SETDB1: variants seen among roughly 807,000 people sequenced by gnomAD.
SETDB1 encodes SET domain bifurcated histone lysine methyltransferase 1, also known as histone-lysine N-methyltransferase SETDB1.
SETDB1 carries 31 observed loss-of-function variants against 137.4 expected under a neutral mutation model. That is an observed-to-expected ratio of 0.23 (90% CI 0.17 to 0.30). The LOEUF is 0.30. SETDB1 is among the 10% of genes least tolerant of loss of function. SETDB1 has a pLI of 1.00. For missense variants in SETDB1, 1,113 were observed against 1,631.5 expected (o/e 0.68, Z 5.47); for synonymous variants, 548 against 579.9 (o/e 0.95, Z 0.79).
chr1:150,943,813 C>CT, intron 7 of SETDB1, 107 bp from the exon 8 acceptor site: 1 of 697,822 alleles, frequency 1.4e-6, no homozygotes, highest in East Asian at 2.6e-5. Context: ...CCCTGGAGTG[C>CT]ATCGTGTTGT....
intron 14 of SETDB1, among the ~76,000 whole-genome samples, chr1:150,953,722 G>C (rs1043284845): frequency 6.6e-6 from 1 of 151,958 alleles, no homozygotes; most frequent in East Asian, 1.9e-4. Flanking sequence ...TCAGCTATTT[G>C]GGAGGCTGAG....
Position 150,964,412 on chromosome 1 carries a change from A to AGACCCAGTTC in SETDB1, c.*48_*49insGACCCAGTTC. The AGACCCAGTTC allele has an allele frequency of 9.4e-6, 13 of 1,384,380 alleles. No individual in the cohort carries two copies. The highest frequency in any genetic ancestry group is 1.1e-5 in the Non-Finnish European group (11 of 978,108). The allele number at this position is 1,384,380 out of a possible 1,614,324, so 85.8% of individuals were successfully genotyped here. On this transcript the variant is annotated 3_prime_UTR_variant, in exon 22 of 22. Transcript: ENST00000692827. ...TTCTTGAACTGTCGTTTCCTCAGGA[A>AGACCCAGTTC]CTGGGTCTTCCTGATTGTTGAACCC... is the stretch of plus-strand genomic sequence containing the variant.
intron 3 of SETDB1, among the ~76,000 whole-genome samples, chr1:150,939,734 T>A (rs1670072096): frequency 6.6e-6 from 1 of 152,126 alleles, no homozygotes; most frequent in Non-Finnish European, 1.5e-5. Flanking sequence ...ATTACAGGTG[T>A]GAGCCACCAC....
At chr1:150,944,671 T>C (rs1185774961) in intron 8 of SETDB1, among the ~76,000 whole-genome samples, 1 of 152,234 alleles carries the variant, frequency 6.6e-6, no homozygotes, top group Non-Finnish European at 1.5e-5. Context: ...AACATCCATT[T>C]GTGTAAAATA....
At chr1:150,935,503 C>A (rs369365983) in intron 3 of SETDB1, among the ~76,000 whole-genome samples, 4 of 151,888 alleles carry the variant, frequency 2.6e-5, no homozygotes, top group East Asian at 3.9e-4. Flanking sequence ...GCTTGACATT[C>A]ATCTTTTCAC....
chr1:150,929,502 C>T (rs1025691560), intron 2 of SETDB1, among the ~76,000 whole-genome samples: 2 of 151,914 alleles, frequency 1.3e-5, no homozygotes, highest in Non-Finnish European at 2.9e-5. Flanking sequence ...TCTCAGCCTC[C>T]GGAGTAGCTG....
In SETDB1 at chr1:150,945,111, A is replaced by G; in HGVS notation, c.1140+3A>G. ...GCCTAGTCAGGATCCTCTTCCTGGT[A>G]CTGTTCTTCTCTACAATTTTGGAGG... is the stretch of plus-strand genomic sequence containing the variant. On this transcript the variant is annotated splice_donor_region_variant and intron_variant, in intron 9 of 21. Coordinates refer to ENST00000692827, the MANE Select transcript of SETDB1 (RefSeq NM_001366418.1). 1 of 1,613,902 alleles carries G rather than the reference A, an allele frequency of 6.2e-7. No homozygotes were observed. Among genetic ancestry groups the G allele is most frequent in the Non-Finnish European group, 8.5e-7 (1 of 1,179,918 alleles).
chr1:150,948,805 C>T (rs1242858340), intron 10 of SETDB1, among the ~76,000 whole-genome samples: 1 of 151,916 alleles, frequency 6.6e-6, no homozygotes, highest in Non-Finnish European at 1.5e-5. Context: ...TCACTGCAAC[C>T]TCCACCTCCT....
At position 150,942,616 on chromosome 1, in the gene SETDB1, A is replaced by T; in HGVS notation, c.601A>T (p.Ser201Cys). The change falls in exon 6 of 22, where the codon AGC becomes TGC. Residue 201 changes from serine to cysteine, a missense_variant. Ser to Cys is a moderately radical substitution (Grantham distance 112, BLOSUM62 -1). Coordinates refer to ENST00000692827, the MANE Select transcript of SETDB1 (RefSeq NM_001366418.1). ...ELSKDGDLIV[S>C]MRILGKKRTK... ...AAGCAAAGATGGTGACCTGATAGTC[A>T]GCATGCGAATTCTGGGCAAGAAGAG... The T allele has an allele frequency of 6.2e-7, 1 of 1,613,940 alleles. No homozygotes were observed. The highest frequency in any genetic ancestry group is 8.5e-7 in the Non-Finnish European group (1 of 1,179,852).
chr1:150,963,296 T>G, intron 19 of SETDB1, 157 bp downstream of exon 19: 1 of 736,064 alleles, frequency 1.4e-6, no homozygotes, highest in South Asian at 1.9e-5. Flanking sequence ...TAAACTATTG[T>G]TTGACACATC....
At chr1:150,929,782 T>G (rs1197428852) in intron 2 of SETDB1, among the ~76,000 whole-genome samples, 185 bp from the exon 3 acceptor site, 1 of 152,164 alleles carries the variant, frequency 6.6e-6, no homozygotes, top group Non-Finnish European at 1.5e-5. Flanking sequence ...GTCTGGAAAC[T>G]AAACCACTAT....
intron 2 of SETDB1, among the ~76,000 whole-genome samples, chr1:150,928,785 C>T (rs1442788956): frequency 3.3e-5 from 5 of 152,056 alleles, no homozygotes; most frequent in African/African-American, 1.2e-4. Context: ...TGACGTTCCC[C>T]ATCCTGTGTC....
At chr1:150,958,649 A>G (rs1056806053) in intron 14 of SETDB1, among the ~76,000 whole-genome samples, 1 of 152,082 alleles carries the variant, frequency 6.6e-6, no homozygotes, top group African/African-American at 2.4e-5. Flanking sequence ...TACCATGAAC[A>G]TTAGTCACAG....
rs746120025 is a variant in SETDB1 at position 150,927,766 on chromosome 1, G to A, written c.52G>A (p.Glu18Lys). The A allele has an allele frequency of 6.2e-7, 1 of 1,614,140 alleles. No homozygotes were observed. The highest frequency in any genetic ancestry group is 8.5e-7 in the Non-Finnish European group (1 of 1,179,998). The stretch of plus-strand genomic sequence containing the variant: ...TTTGGATGCAGCAACAGCTACAGTG[G>A]AGTCTGAAGAGATTGCAGAGCTGCA... ...IGLDAATATVESEEIAELQQA... is the reference protein window; with the variant it reads ...IGLDAATATVKSEEIAELQQA... Residue 18 changes from glutamate to lysine, a missense_variant, in exon 2 of 22, where the codon GAG becomes AAG. Physicochemically the swap from Glu to Lys is moderately conservative, Grantham distance 56. This residue lies in a region of SETDB1 where 32 missense variants were observed against 26.3 expected (regional missense o/e 1.22). Transcript: ENST00000692827.
chr1:150,933,449 T>C (rs1047609851), intron 3 of SETDB1, among the ~76,000 whole-genome samples: 3 of 146,544 alleles, frequency 2.0e-5, no homozygotes, highest in Non-Finnish European at 4.5e-5. Flanking sequence ...CAACTTCTGC[T>C]CACTGCAACC....
intron 4 of SETDB1, among the ~76,000 whole-genome samples, chr1:150,940,658 G>A (rs7521719): frequency 0.35 from 53,431 of 151,244 alleles, 9,750 homozygotes; most frequent in South Asian, 0.51. Flanking sequence ...ACCTTAGGTC[G>A]GCAGTTCAAG....
intron 3 of SETDB1, among the ~76,000 whole-genome samples, chr1:150,936,564 T>C (rs1331844233): frequency 6.6e-6 from 1 of 152,216 alleles, no homozygotes. Flanking sequence ...TTTTTTGAGA[T>C]TACAGATAAC....
chr1:150,955,435 C>A (rs972971873), intron 14 of SETDB1, among the ~76,000 whole-genome samples: 1 of 152,204 alleles, frequency 6.6e-6, no homozygotes, highest in African/African-American at 2.4e-5. Context: ...TTTTTCAGTT[C>A]CTGGATCCAG....
intron 5 of SETDB1, 68 bp downstream of exon 5, chr1:150,941,496 T>C: frequency 1.1e-6 from 1 of 928,134 alleles, no homozygotes; most frequent in Non-Finnish European, 1.8e-6. Flanking sequence ...TCTTAAGTCT[T>C]ATGTCTGCTA....
Sources: gnomAD v4.1 joint callset for allele counts (sites outside exome capture counted in the v4.1 genomes callset) on GRCh38, gnomAD v4.1.1 for gene constraint, gnomAD v4.1.1 regional missense constraint, MANE v1.5 for transcripts, NCBI Gene and HGNC (gene_info 2026-07-23, HGNC 2026-07-21) for gene names.